Variants in SYN3 observed in about 807,000 individuals in gnomAD.
SYN3 encodes synapsin-3.
SYN3 carries 35 observed loss-of-function variants against 65.8 expected under a neutral mutation model. The observed-to-expected ratio is 0.53, with a 90% CI of 0.41 to 0.70. The LOEUF is 0.70. Ranked by LOEUF, SYN3 falls within the 30% of genes least tolerant of loss-of-function variation. The probability of loss-of-function intolerance (pLI) is 0.00; values close to 1 mark genes in which losing one functional copy is unlikely to be tolerated. For missense variants in SYN3, 680 were observed against 749.0 expected, an observed-to-expected ratio of 0.91 and a Z score of 1.08; for synonymous variants, 270 against 292.9, an observed-to-expected ratio of 0.92 and a Z score of 0.80.
intron 1 of SYN3, among the ~76,000 whole-genome samples, chr22:33,053,732 C>T (rs1039258218): frequency 6.6e-6 from 1 of 152,138 alleles, no homozygotes; most frequent in African/African-American, 2.4e-5. Context: ...CCCAACCACC[C>T]GCCAACCCCC....
chr22:32,814,180 GA>G (rs869082026), intron 6 of SYN3, among the ~76,000 whole-genome samples: 18 of 56,722 alleles, frequency 3.2e-4, no homozygotes, highest in South Asian at 1.2e-3. Context: ...GAGAAAGAAA[GA>G]AAAGAAAGAA....
intron 6 of SYN3, among the ~76,000 whole-genome samples, chr22:32,822,337 G>A (rs1042518583): frequency 1.3e-5 from 2 of 152,070 alleles, no homozygotes; most frequent in African/African-American, 4.8e-5. Flanking sequence ...TGATGCCTCT[G>A]GGGATTTCCA....
At chr22:32,997,596 C>T (rs1489704642) in intron 2 of SYN3, among the ~76,000 whole-genome samples, 1 of 152,188 alleles carries the variant, frequency 6.6e-6, no homozygotes, top group South Asian at 2.1e-4. Context: ...AAATGCTTAA[C>T]AACCAGTTCT....
chr22:32,534,039 G>A, intron 9 of SYN3, 144 bp from the exon 10 acceptor site: 1 of 601,438 alleles, frequency 1.7e-6, no homozygotes, highest in Non-Finnish European at 3.0e-6. Flanking sequence ...AGACAGAGAA[G>A]CAGCAAGAGA....
chr22:32,748,831 T>C (rs2045021589), intron 6 of SYN3, among the ~76,000 whole-genome samples: 1 of 152,194 alleles, frequency 6.6e-6, no homozygotes, highest in Non-Finnish European at 1.5e-5. Flanking sequence ...GTAACACCTG[T>C]GGCCTCTGTC....
intron 6 of SYN3, among the ~76,000 whole-genome samples, chr22:32,779,321 A>G (rs992327063): frequency 6.6e-5 from 10 of 152,138 alleles, no homozygotes; most frequent in African/African-American, 2.4e-4. Flanking sequence ...TTAGCCGGGC[A>G]TGATGGTACA....
chr22:32,895,616 T>C (rs2049570409), intron 4 of SYN3, among the ~76,000 whole-genome samples: 2 of 152,142 alleles, frequency 1.3e-5, no homozygotes, highest in African/African-American at 2.4e-5. Flanking sequence ...GAAAAAGAAA[T>C]GTCTTTATTG....
intron 1 of SYN3, among the ~76,000 whole-genome samples, chr22:33,030,580 C>CAG (rs368757775): frequency 5.4e-5 from 8 of 147,648 alleles, no homozygotes; most frequent in East Asian, 2.0e-4. Flanking sequence ...GAGATAGAGA[C>CAG]AGAGAGAGAG....
chr22:33,043,171 ATGT>A (rs2053994551), intron 1 of SYN3, among the ~76,000 whole-genome samples: 1 of 152,222 alleles, frequency 6.6e-6, no homozygotes, highest in Non-Finnish European at 1.5e-5. Flanking sequence ...TACCTTATGT[ATGT>A]TGTTGCTGCT....
At chr22:32,815,287 G>A (rs1285387434) in intron 6 of SYN3, among the ~76,000 whole-genome samples, 1 of 152,206 alleles carries the variant, frequency 6.6e-6, no homozygotes, top group Non-Finnish European at 1.5e-5. Context: ...TCCCAGTGCA[G>A]GGAACCCATG....
At chr22:32,521,442 A>ATTTTTTT (rs34710233) in intron 12 of SYN3, among the ~76,000 whole-genome samples, 4 of 119,778 alleles carry the variant, frequency 3.3e-5, no homozygotes, top group East Asian at 2.4e-4. Context: ...ACACCTCTTG[A>ATTTTTTT]TTTTTTTTTT....
At chr22:32,974,369 C>T (rs1246815651) in intron 3 of SYN3, among the ~76,000 whole-genome samples, 2 of 152,204 alleles carry the variant, frequency 1.3e-5, no homozygotes, top group Non-Finnish European at 2.9e-5. Context: ...CCATAAAATG[C>T]ATTCAGCTTT....
intron 7 of SYN3, among the ~76,000 whole-genome samples, chr22:32,569,265 A>ATCTATCTATCTGTCTATCTATCTATCTG (rs1555898438): frequency 7.1e-6 from 1 of 140,200 alleles, no homozygotes; most frequent in East Asian, 2.1e-4. Context: ...AAATCTATCT[A>ATCTATCTATCTGTCTATCTATCTATCTG]TCTATCTATC....
At chr22:32,874,709 G>A (rs1473300334) in intron 4 of SYN3, among the ~76,000 whole-genome samples, 1 of 152,232 alleles carries the variant, frequency 6.6e-6, no homozygotes, top group Non-Finnish European at 1.5e-5. Context: ...TGTTCATGCT[G>A]ATTTTGTTCA....
chr22:32,747,730 G>A (rs1042205668), intron 6 of SYN3, among the ~76,000 whole-genome samples: 1 of 152,166 alleles, frequency 6.6e-6, no homozygotes, highest in Non-Finnish European at 1.5e-5. Context: ...CAATAACCAC[G>A]CAGTGAGTGG....
chr22:32,910,634 G>A (rs1017800989), intron 4 of SYN3, among the ~76,000 whole-genome samples: 1 of 140,188 alleles, frequency 7.1e-6, no homozygotes, highest in South Asian at 2.2e-4. Flanking sequence ...CGAGTTATTC[G>A]GTTGGTGCAA....
intron 6 of SYN3, among the ~76,000 whole-genome samples, chr22:32,624,356 C>T (rs900312062): frequency 2.0e-5 from 3 of 152,164 alleles, no homozygotes; most frequent in African/African-American, 7.2e-5. Flanking sequence ...TTGCAGTCCC[C>T]AGGATGAGCA....
chr22:32,683,360 C>T (rs1400426469), intron 6 of SYN3, among the ~76,000 whole-genome samples: 4 of 152,132 alleles, frequency 2.6e-5, no homozygotes, highest in African/African-American at 9.7e-5. Flanking sequence ...TCTCTCCTCT[C>T]TAGGCTTCCA....
In SYN3 at chr22:32,975,276, G is replaced by A. The variant is rs565005935; in HGVS notation, c.369+5369C>T. The stretch of plus-strand genomic sequence containing the variant: ...TGTAATCTCAGCTGCTCAGGAGGCT[G>A]AGGCACGAGAATCACTTGAACCCAG... On this transcript the variant is annotated intron_variant, in intron 3 of 13. Transcript: ENST00000358763. Among the ~76,000 whole-genome samples the A allele has an allele frequency of 1.3e-5, 2 of 151,826 alleles. 1 individual carries two copies. The highest frequency in any genetic ancestry group is 4.2e-4 in the South Asian group (2 of 4,792).
Sources: gnomAD v4.1 joint callset for allele counts (sites outside exome capture counted in the v4.1 genomes callset) on GRCh38, gnomAD v4.1.1 for gene constraint, MANE v1.5 for transcripts, NCBI Gene and HGNC (gene_info 2026-07-23, HGNC 2026-07-21) for gene names.